The following PPP2R3A variants were observed in gnomAD, a reference collection of about 807,000 sequenced individuals.
PPP2R3A encodes the protein serine/threonine-protein phosphatase 2A regulatory subunit B'' subunit alpha.
Under a neutral mutation model 106.9 loss-of-function variants are expected in PPP2R3A, and 80 were observed. That is an observed-to-expected ratio of 0.75 (90% CI 0.62 to 0.90). PPP2R3A has a LOEUF of 0.90. Among genes scored for constraint, PPP2R3A ranks in the 40% least tolerant of loss-of-function variants. The pLI, the probability that PPP2R3A is intolerant of heterozygous loss-of-function variation, is 0.00. For missense variants in PPP2R3A, 1,386 were observed against 1,350.4 expected, an observed-to-expected ratio of 1.03 and a Z score of -0.41; for synonymous variants, 483 against 468.3, an observed-to-expected ratio of 1.03 and a Z score of -0.41.
chr3:136,033,532 T>C (rs1365363732), intron 3 of PPP2R3A, among the ~76,000 whole-genome samples: 3 of 152,236 alleles, frequency 2.0e-5, no homozygotes, highest in Admixed American at 6.5e-5. Flanking sequence ...TTTTTGTTGG[T>C]AATTTTTAAA....
rs969593744 is a variant in PPP2R3A, at chr3:136,040,853, T to G, written c.2263-6T>G. The G allele has an allele frequency of 1.2e-6, 2 of 1,609,476 alleles. No individual in the cohort carries two copies. Among genetic ancestry groups the G allele is most frequent in the Non-Finnish European group, 1.7e-6 (2 of 1,177,926 alleles). On this transcript the variant is annotated splice_region_variant and splice_polypyrimidine_tract_variant and intron_variant, in intron 3 of 13. Transcript: ENST00000264977. ...GGCTTACCCTGTATGTGTTTTCTAT[T>G]TGCAGGTCTGTGGCTGTCCTCTCTA...
chr3:135,999,309 A>G (rs1012109956), intron 1 of PPP2R3A, among the ~76,000 whole-genome samples: 1 of 152,196 alleles, frequency 6.6e-6, no homozygotes, highest in Non-Finnish European at 1.5e-5. Context: ...TAACCACCTT[A>G]TATTAGGCCA....
chr3:136,035,501 A>G (rs565503505), intron 3 of PPP2R3A, among the ~76,000 whole-genome samples: 13 of 152,324 alleles, frequency 8.5e-5, no homozygotes, highest in African/African-American at 3.1e-4. Context: ...GTTTTGCTGG[A>G]TACAAAATTT....
At position 136,040,844 on chromosome 3, in the gene PPP2R3A, G is replaced by A. The variant is rs1462825502; in HGVS notation, c.2263-15G>A. 1.2e-6 allele frequency: 2 copies of A among 1,605,478 alleles called. No individual in the cohort carries two copies. Among genetic ancestry groups the A allele is most frequent in the Non-Finnish European group, 1.7e-6 (2 of 1,175,362 alleles). Reference sequence around the variant, plus strand: ...TTCCCTGTTGGCTTACCCTGTATGTGTTTTCTATTTGCAGGTCTGTGGCTG... The same window carrying A: ...TTCCCTGTTGGCTTACCCTGTATGTATTTTCTATTTGCAGGTCTGTGGCTG... On this transcript the variant is annotated splice_polypyrimidine_tract_variant and intron_variant, in intron 3 of 13. Transcript: ENST00000264977.
chr3:136,132,533 C>CA (rs1178589135), intron 13 of PPP2R3A, among the ~76,000 whole-genome samples: 5 of 151,244 alleles, frequency 3.3e-5, no homozygotes, highest in African/African-American at 9.7e-5. Context: ...ACAGTCATAT[C>CA]AAAAAGAATA....
At chr3:136,020,207 T>G (rs1010115492) in intron 2 of PPP2R3A, among the ~76,000 whole-genome samples, 5 of 152,126 alleles carry the variant, frequency 3.3e-5, no homozygotes, top group Admixed American at 6.6e-5. Context: ...TAGAAGCCCT[T>G]TTACCTGAAC....
At chr3:136,084,702 G>C (rs938221544) in intron 8 of PPP2R3A, among the ~76,000 whole-genome samples, 2 of 152,236 alleles carry the variant, frequency 1.3e-5, no homozygotes, top group Non-Finnish European at 2.9e-5. Context: ...AGGCACAGGG[G>C]TGGACCTGCC....
intron 5 of PPP2R3A, among the ~76,000 whole-genome samples, chr3:136,068,440 C>A (rs1054144048): frequency 1.3e-5 from 2 of 152,148 alleles, no homozygotes; most frequent in African/African-American, 4.8e-5. Flanking sequence ...ACTGCATGAA[C>A]CCAGGAGGTG....
chr3:136,145,527 G>C lies in PPP2R3A; in HGVS notation c.*361G>C, dbSNP rs1939084186. ...GGCTGGCATCCCTGAGTCCCCTCCG[G>C]GCTCCTATGGAGCCTAGAAGAAACC... On this transcript the variant is annotated 3_prime_UTR_variant, in exon 14 of 14. Coordinates refer to ENST00000264977, the MANE Select transcript of PPP2R3A (RefSeq NM_002718.5). The C allele has an allele frequency of 6.5e-6, 1 of 154,532 alleles. No individual in the cohort carries two copies. The highest frequency in any genetic ancestry group is 1.4e-5 in the Non-Finnish European group (1 of 69,556). The allele number at this position is 154,532 out of a possible 1,614,324, so 9.6% of individuals were successfully genotyped here.
chr3:136,066,056 T>G lies in PPP2R3A; in HGVS notation c.2470-4422T>G, dbSNP rs72983501. Among the ~76,000 whole-genome samples, 1,101 of 152,324 alleles carry G rather than the reference T, an allele frequency of 7.2e-3. 11 individuals carry two copies. Among genetic ancestry groups the G allele is most frequent in the African/African-American group, 0.026 (1,079 of 41,568 alleles). ...GAAATCCTAGATGAAATGGACAGTTTCCTAGGAAAATACATAGGACCCAAA... is the reference window on the plus strand; with the variant it reads ...GAAATCCTAGATGAAATGGACAGTTGCCTAGGAAAATACATAGGACCCAAA... On this transcript the variant is annotated intron_variant, in intron 5 of 13. Transcript: ENST00000264977.
intron 3 of PPP2R3A, among the ~76,000 whole-genome samples, chr3:136,034,046 T>C (rs925637385): frequency 1.3e-5 from 2 of 150,172 alleles, no homozygotes; most frequent in Non-Finnish European, 3.0e-5. Context: ...TTTCTTTTTT[T>C]TTTTTTTTGA....
In PPP2R3A at chr3:136,088,008, C is replaced by G. The variant is rs1936999986; in HGVS notation, c.2837+77C>G. 3.7e-6 allele frequency: 5 copies of G among 1,337,844 alleles called. No homozygotes were observed. The East Asian group carries it at 1.2e-4, about 31-fold the overall frequency. 82.9% of individuals were successfully genotyped at this position (1,337,844 alleles called of 1,614,324 possible). On this transcript the variant is annotated intron_variant, in intron 9 of 13. Coordinates refer to ENST00000264977, the MANE Select transcript of PPP2R3A (RefSeq NM_002718.5). ...AACCATCTCATTTTAGCAAAGCTTC[C>G]TGAATAATTTGGCAGTGCTATTGGA... is the stretch of plus-strand genomic sequence containing the variant.
chr3:136,010,375 C>T (rs1188282219), intron 2 of PPP2R3A, among the ~76,000 whole-genome samples: 1 of 147,562 alleles, frequency 6.8e-6, no homozygotes, highest in Non-Finnish European at 1.5e-5. Flanking sequence ...CTCAGCCTCC[C>T]GAGCAGCTGG....
intron 1 of PPP2R3A, among the ~76,000 whole-genome samples, chr3:135,991,048 C>T (rs1444889973): frequency 6.6e-6 from 1 of 152,128 alleles, no homozygotes; most frequent in African/African-American, 2.4e-5. Context: ...CTCCCTCTTA[C>T]AGGACGTTTT....
chr3:136,104,962 G>A (rs1274832058), intron 12 of PPP2R3A, among the ~76,000 whole-genome samples: 1 of 151,940 alleles, frequency 6.6e-6, no homozygotes, highest in East Asian at 1.9e-4. Flanking sequence ...TTAATAAATG[G>A]TATAATTATT....
intron 1 of PPP2R3A, among the ~76,000 whole-genome samples, chr3:135,968,929 T>G (rs1937166318): frequency 6.6e-6 from 1 of 152,214 alleles, no homozygotes; most frequent in Non-Finnish European, 1.5e-5. Flanking sequence ...TGTATGGATA[T>G]ACCATAGATT....
chr3:136,070,483 G>T lies in PPP2R3A; in HGVS notation c.2475G>T (p.Val825=). The T allele has an allele frequency of 6.2e-7, 1 of 1,603,344 alleles. No individual in the cohort carries two copies. Residue 825 remains valine, a synonymous_variant, in exon 6 of 14, where the codon GTG becomes GTT. Coordinates refer to ENST00000264977, the MANE Select transcript of PPP2R3A (RefSeq NM_002718.5). The stretch of plus-strand genomic sequence containing the variant: ...TTGGTTTTGATCTTTTTCAGGATGT[G>T]GTGGATACCCACCCTGGTCTCACGT... The part of the protein sequence containing the change: ...QEDFIPLLQD[V]VDTHPGLTFL...
At chr3:135,993,478 GT>G (rs890224608) in intron 1 of PPP2R3A, among the ~76,000 whole-genome samples, 4 of 152,132 alleles carry the variant, frequency 2.6e-5, no homozygotes, top group African/African-American at 9.7e-5. Context: ...TTGGAAAACA[GT>G]TTTGCAGGTT....
chr3:136,087,372 G>A (rs1178504891), intron 8 of PPP2R3A: 1 of 142,466 alleles, frequency 7.0e-6, no homozygotes, highest in East Asian at 2.2e-4. Flanking sequence ...AAAATCTTAT[G>A]TTATATCATG....
Sources: gnomAD v4.1 joint callset for allele counts (sites outside exome capture counted in the v4.1 genomes callset) on GRCh38, gnomAD v4.1.1 for gene constraint, MANE v1.5 for transcripts, NCBI Gene and HGNC (gene_info 2026-07-23, HGNC 2026-07-21) for gene names.